The following LIMA1 variants were observed in gnomAD, a reference collection of about 807,000 sequenced individuals.
The protein encoded by LIMA1 is LIM domain and actin binding 1, also known as LIM domain and actin-binding protein 1.
LIMA1 carries 52 observed loss-of-function variants against 62.6 expected under a neutral mutation model. The observed-to-expected ratio is 0.83, with a 90% confidence interval of 0.67 to 1.05. The LOEUF is 1.05. LIMA1 is among the 50% of genes least tolerant of loss of function. The probability of loss-of-function intolerance (pLI) is 0.00; values close to 1 mark genes in which losing one functional copy is unlikely to be tolerated. For synonymous variants in LIMA1, 302 were observed against 317.8 expected (o/e 0.95, Z 0.53); for missense variants, 780 against 902.2 (o/e 0.86, Z 1.74).
At chr12:50,238,810 A>G in intron 2 of LIMA1, among the ~76,000 whole-genome samples, 1 of 151,804 alleles carries the variant, frequency 6.6e-6, no homozygotes, top group Non-Finnish European at 1.5e-5. Context: ...AGATTGCACC[A>G]CTGCACTCCA....
intron 4 of LIMA1, among the ~76,000 whole-genome samples, chr12:50,216,147 A>C (rs1941341672): frequency 6.6e-6 from 1 of 152,190 alleles, no homozygotes; most frequent in Non-Finnish European, 1.5e-5. Context: ...TGGCCACCTA[A>C]AATCCAGATT....
intron 2 of LIMA1, among the ~76,000 whole-genome samples, chr12:50,241,756 A>C (rs1565855386): frequency 6.6e-6 from 1 of 152,184 alleles, no homozygotes; most frequent in East Asian, 1.9e-4. Flanking sequence ...ATACTTCTGA[A>C]TTCCGTGTTC....
chr12:50,258,276 T>C (rs901078243), intron 1 of LIMA1, among the ~76,000 whole-genome samples: 2 of 149,934 alleles, frequency 1.3e-5, no homozygotes, highest in Middle Eastern at 3.2e-3. Context: ...GTATGTATAC[T>C]GGCCCATGTA....
At chr12:50,206,126 G>A (rs570141311) in intron 4 of LIMA1, 58 bp from the exon 5 acceptor site, 5 of 1,329,096 alleles carry the variant, frequency 3.8e-6, no homozygotes, top group Admixed American at 1.7e-5. Flanking sequence ...CTTGACGCAA[G>A]GTTCAACTTG....
At chr12:50,216,040 C>CAAAA (rs5798134) in intron 4 of LIMA1, among the ~76,000 whole-genome samples, 1 of 143,308 alleles carries the variant, frequency 7.0e-6, no homozygotes. Flanking sequence ...GAGGCTGTCT[C>CAAAA]AAAAAAAAAA....
intron 4 of LIMA1, among the ~76,000 whole-genome samples, chr12:50,209,627 A>G (rs985156571): frequency 6.6e-6 from 1 of 151,760 alleles, no homozygotes; most frequent in Non-Finnish European, 1.5e-5. Flanking sequence ...AGGAAAAGAT[A>G]TGTCTGGCAG....
intron 2 of LIMA1, among the ~76,000 whole-genome samples, chr12:50,238,377 G>A (rs778109344): frequency 2.6e-5 from 4 of 151,866 alleles, no homozygotes; most frequent in East Asian, 1.9e-4. Context: ...TGTGGTGGTG[G>A]GCACCTATAA....
intron 2 of LIMA1, among the ~76,000 whole-genome samples, chr12:50,234,847 C>G (rs1941665994): frequency 6.6e-6 from 1 of 152,052 alleles, no homozygotes; most frequent in African/African-American, 2.4e-5. Context: ...AACCCTGTCT[C>G]TACGAAAAAT....
intron 6 of LIMA1, among the ~76,000 whole-genome samples, chr12:50,202,358 G>A (rs186928904): frequency 1.3e-5 from 2 of 152,230 alleles, no homozygotes; most frequent in East Asian, 3.9e-4. Flanking sequence ...TCCAGAGCAG[G>A]AGAACTGTAA....
At chr12:50,248,874 A>G in intron 1 of LIMA1, 100 bp from the exon 2 acceptor site, 3 of 678,048 alleles carry the variant, frequency 4.4e-6, no homozygotes, top group South Asian at 3.5e-5. Context: ...TGCAGACCAC[A>G]CTCCTCCACT....
Position 50,177,495 on chromosome 12 carries a change from T to C in LIMA1, c.1849A>G (p.Ser617Gly). 1 of 1,613,284 alleles carries C rather than the reference T, an allele frequency of 6.2e-7. No individual in the cohort carries two copies. Reference protein sequence around the residue: ...TVSPPIRKGWSMSEQSEESVG... With the variant: ...TVSPPIRKGWGMSEQSEESVG... The stretch of plus-strand genomic sequence containing the variant: ...GACTCTTCACTCTGCTCTGACATGC[T>C]CCAGCCTTTCCTGATAGGTGGGGAC... The change falls in exon 11 of 11, where the codon AGC becomes GGC. Residue 617 changes from serine to glycine, a missense_variant. Ser to Gly is a moderately conservative substitution (Grantham distance 56, BLOSUM62 0). Transcript: ENST00000341247.
At chr12:50,214,749 T>G (rs1023864916) in intron 4 of LIMA1, among the ~76,000 whole-genome samples, 1 of 152,236 alleles carries the variant, frequency 6.6e-6, no homozygotes, top group African/African-American at 2.4e-5. Flanking sequence ...GAGGTTGCAG[T>G]GAGCTGGGAT....
intron 4 of LIMA1, among the ~76,000 whole-genome samples, chr12:50,209,623 A>G (rs975241193): frequency 5.3e-5 from 8 of 151,662 alleles, no homozygotes; most frequent in African/African-American, 1.9e-4. Context: ...CAAAAGGAAA[A>G]GATATGTCTG....
intron 1 of LIMA1, among the ~76,000 whole-genome samples, chr12:50,254,847 T>C (rs1198750588): frequency 6.6e-6 from 1 of 151,342 alleles, no homozygotes; most frequent in African/African-American, 2.4e-5. Context: ...ATCACTTAAG[T>C]TCAGGAGTTC....
intron 1 of LIMA1, among the ~76,000 whole-genome samples, chr12:50,281,139 A>G (rs889155417): frequency 6.6e-6 from 1 of 151,912 alleles, no homozygotes; most frequent in African/African-American, 2.4e-5. Context: ...GAACTCCCAC[A>G]CTCTCAATAT....
At chr12:50,279,772 T>C (rs946692963) in intron 1 of LIMA1, among the ~76,000 whole-genome samples, 2 of 152,186 alleles carry the variant, frequency 1.3e-5, no homozygotes, top group Non-Finnish European at 2.9e-5. Context: ...AGCTTTCCTG[T>C]AGTGCTGGAA....
chr12:50,214,053 A>C (rs549139964), intron 4 of LIMA1, among the ~76,000 whole-genome samples: 1 of 67,932 alleles, frequency 1.5e-5, no homozygotes, highest in South Asian at 6.6e-4. Context: ...CACACACACG[A>C]GATTACTCAG....
At chr12:50,222,563 A>G (rs3812825) in intron 3 of LIMA1, 78 bp from the exon 4 acceptor site, 543,112 of 1,597,544 alleles carry the variant, frequency 0.34, 94,724 homozygotes, top group South Asian at 0.46. Flanking sequence ...GTAAAATGAA[A>G]GTTAAAACTC....
At chr12:50,231,818 A>T in intron 2 of LIMA1, 108 bp from the exon 3 acceptor site, 1 of 1,041,160 alleles carries the variant, frequency 9.6e-7, no homozygotes, top group Non-Finnish European at 1.4e-6. Flanking sequence ...CCCAGGCTGC[A>T]GTGCAGTGGT....
Sources: gnomAD v4.1 joint callset for allele counts (sites outside exome capture counted in the v4.1 genomes callset) on GRCh38, gnomAD v4.1.1 for gene constraint, MANE v1.5 for transcripts, NCBI Gene and HGNC (gene_info 2026-07-23, HGNC 2026-07-21) for gene names.